Variants in SEMA5A observed in about 807,000 individuals in gnomAD.
SEMA5A encodes the protein semaphorin 5A.
Under a neutral mutation model 135.5 loss-of-function variants are expected in SEMA5A, and 55 were observed. The ratio of observed to expected loss-of-function variants is 0.41; its 90% CI spans 0.33 to 0.51. SEMA5A has a LOEUF of 0.51. Among genes scored for constraint, SEMA5A ranks in the 20% least tolerant of loss-of-function variants. The pLI, the probability that SEMA5A is intolerant of heterozygous loss-of-function variation, is 0.37. For missense variants in SEMA5A, 1,290 were observed against 1,419.9 expected (o/e 0.91, Z 1.47); for synonymous variants, 580 against 546.5 (o/e 1.06, Z -0.85).
rs552542350 is a variant in SEMA5A at position 9,496,217 on chromosome 5, G to A, written c.-175+49367C>T. On this transcript the variant is annotated intron_variant, in intron 1 of 22. Coordinates refer to ENST00000382496, the MANE Select transcript of SEMA5A (RefSeq NM_003966.3). Reference sequence around the variant, plus strand: ...GTGCCACCGCACCCGGCTAACTTTTGTGTTTTTAGTAGAGATGGGGTTTCA... The same window carrying A: ...GTGCCACCGCACCCGGCTAACTTTTATGTTTTTAGTAGAGATGGGGTTTCA... Among the ~76,000 whole-genome samples the A allele has an allele frequency of 9.2e-5, 14 of 152,202 alleles. No individual in the cohort carries two copies. The South Asian group carries it at 2.1e-3, about 23-fold the overall frequency.
chr5:9,507,065 A>G (rs778039119), intron 1 of SEMA5A, among the ~76,000 whole-genome samples: 44 of 152,344 alleles, frequency 2.9e-4, no homozygotes, highest in Non-Finnish European at 5.6e-4. Context: ...GTAAGATAAC[A>G]TAGGTATTAT....
intron 12 of SEMA5A, among the ~76,000 whole-genome samples, chr5:9,149,283 C>A (rs1407284558): frequency 6.6e-6 from 1 of 152,174 alleles, no homozygotes; most frequent in Non-Finnish European, 1.5e-5. Flanking sequence ...TTCTCTCTGG[C>A]CCTTTGCAAA....
chr5:9,126,897 C>T (rs1382077384), intron 13 of SEMA5A, among the ~76,000 whole-genome samples: 2 of 152,058 alleles, frequency 1.3e-5, no homozygotes, highest in African/African-American at 4.8e-5. Flanking sequence ...ATCTTGTGAC[C>T]CCTGGTTACC....
chr5:9,149,178 T>TAG (rs1402862933), intron 12 of SEMA5A, among the ~76,000 whole-genome samples: 1 of 152,234 alleles, frequency 6.6e-6, no homozygotes, highest in Non-Finnish European at 1.5e-5. Flanking sequence ...CCCACACATC[T>TAG]ACCCATTCAT....
intron 5 of SEMA5A, among the ~76,000 whole-genome samples, chr5:9,257,075 T>C (rs1349917536): frequency 6.6e-6 from 1 of 152,224 alleles, no homozygotes; most frequent in South Asian, 2.1e-4. Context: ...TGTAGTCTTC[T>C]GTCTGCATCA....
At chr5:9,513,205 A>C (rs1044279555) in intron 1 of SEMA5A, among the ~76,000 whole-genome samples, 2 of 151,892 alleles carry the variant, frequency 1.3e-5, no homozygotes, top group African/African-American at 4.8e-5. Flanking sequence ...ACACAATCAC[A>C]TGAATTAAAT....
At chr5:9,490,235 A>G (rs1473257916) in intron 1 of SEMA5A, among the ~76,000 whole-genome samples, 1 of 152,172 alleles carries the variant, frequency 6.6e-6, no homozygotes, top group Non-Finnish European at 1.5e-5. Flanking sequence ...AACAGGCCCA[A>G]TATGAATTCA....
At chr5:9,363,948 T>C (rs1239104088) in intron 3 of SEMA5A, among the ~76,000 whole-genome samples, 1 of 152,158 alleles carries the variant, frequency 6.6e-6, no homozygotes, top group Non-Finnish European at 1.5e-5. Context: ...TGAGGCAGGA[T>C]GTTCATGGGA....
intron 5 of SEMA5A, among the ~76,000 whole-genome samples, chr5:9,305,378 C>T: frequency 6.6e-6 from 1 of 152,058 alleles, no homozygotes; most frequent in Admixed American, 6.6e-5. Context: ...TTTCAGAAGA[C>T]ATTCATCATA....
chr5:9,342,301 AT>A (rs2150731012), intron 3 of SEMA5A, among the ~76,000 whole-genome samples: 1 of 152,326 alleles, frequency 6.6e-6, no homozygotes, highest in East Asian at 1.9e-4. Context: ...GCCACTCCAC[AT>A]GCTAACACCT....
At chr5:9,320,323 A>T (rs552016102) in intron 4 of SEMA5A, among the ~76,000 whole-genome samples, 1 of 152,296 alleles carries the variant, frequency 6.6e-6, no homozygotes, top group South Asian at 2.1e-4. Context: ...ACAGCCCTCT[A>T]TGTAGAACCA....
intron 5 of SEMA5A, among the ~76,000 whole-genome samples, chr5:9,301,392 G>A (rs752933214): frequency 3.3e-5 from 5 of 152,122 alleles, no homozygotes; most frequent in South Asian, 4.1e-4. Context: ...ATCGTATTAC[G>A]CAAGCCCTTC....
chr5:9,289,485 G>GA (rs1379300723), intron 5 of SEMA5A, among the ~76,000 whole-genome samples: 1 of 151,816 alleles, frequency 6.6e-6, no homozygotes, highest in Admixed American at 6.6e-5. Context: ...CTGACACGGT[G>GA]AAACCCCGTC....
At chr5:9,043,707 C>T (rs748562999) in intron 22 of SEMA5A, among the ~76,000 whole-genome samples, 2 of 152,188 alleles carry the variant, frequency 1.3e-5, no homozygotes, top group South Asian at 2.1e-4. Flanking sequence ...TAGAAGGATT[C>T]GTTAAAGACT....
chr5:9,069,036 A>C (rs900509232), intron 16 of SEMA5A, among the ~76,000 whole-genome samples: 14 of 152,196 alleles, frequency 9.2e-5, no homozygotes, highest in Admixed American at 8.5e-4. Flanking sequence ...GTGGTCTACC[A>C]GGGAAGCTCA....
At chr5:9,179,081 T>G (rs1459301285) in intron 11 of SEMA5A, among the ~76,000 whole-genome samples, 1 of 152,146 alleles carries the variant, frequency 6.6e-6, no homozygotes, top group Non-Finnish European at 1.5e-5. Context: ...TCCTCGTAGT[T>G]ATAATACCAT....
At position 9,098,237 on chromosome 5, in the gene SEMA5A, C is replaced by CAGTA. The variant is rs1553983992; in HGVS notation, c.2073+9902_2073+9903insTACT. 1.1e-3 allele frequency among the ~76,000 whole-genome samples: 160 copies of CAGTA among 140,308 alleles called. 1 individual carries two copies. The highest frequency in any genetic ancestry group is 4.1e-3 in the African/African-American group (150 of 36,790). The allele number at this position is 140,308 out of a possible 152,430, so 92.0% of individuals were successfully genotyped here. A position where few individuals can be genotyped will look rare whatever the true frequency, so the allele number is the denominator to read the frequency against. On this transcript the variant is annotated intron_variant, in intron 16 of 22. Transcript: ENST00000382496. ...CAGGCAACAGAGTGAGACTCTGTCT[C>CAGTA]AATAAATAAATAAATAAATAAATAA... is the stretch of plus-strand genomic sequence containing the variant.
chr5:9,325,389 G>T (rs927885816), intron 4 of SEMA5A, among the ~76,000 whole-genome samples: 1 of 152,114 alleles, frequency 6.6e-6, no homozygotes, highest in African/African-American at 2.4e-5. Context: ...ATTAAGTTTG[G>T]CAGATGCAAA....
rs1740667042 is a variant in SEMA5A, at chr5:9,119,010, T to C, written c.1913A>G (p.Asn638Ser). Residue 638 changes from asparagine to serine, a missense_variant, in exon 15 of 23, where the codon AAC (asparagine) becomes AGC (serine). This residue lies in a region of SEMA5A where 1,029 missense variants were observed against 1,086.6 expected (regional missense o/e 0.95). Transcript: ENST00000382496. ...GGTGGGCACGTACCTTTCCTCGCGGTTCTGTCCCACGCACACCCGGCCCCC... is the reference window on the plus strand; with the variant it reads ...GGTGGGCACGTACCTTTCCTCGCGGCTCTGTCCCACGCACACCCGGCCCCC... ...RHGGRVCVGQ[N>S]REERYCNEHL... 5.0e-6 allele frequency: 8 copies of C among 1,613,246 alleles called. 1 individual carries two copies. In the East Asian group the frequency reaches 1.8e-4, roughly 36 times the overall value.
Sources: allele counts gnomAD v4.1 joint callset (sites outside exome capture counted in the v4.1 genomes callset), GRCh38; gene constraint gnomAD v4.1.1; regional missense constraint gnomAD v4.1.1; transcripts MANE v1.5; gene names NCBI Gene and HGNC (gene_info 2026-07-23, HGNC 2026-07-21).